ASCC3: variants seen among roughly 807,000 people sequenced by gnomAD.
ASCC3 encodes activating signal cointegrator 1 complex subunit 3, also known as ASC-1 complex subunit P200.
A neutral mutation model predicts 256.3 loss-of-function variants in ASCC3; 158 were observed. The observed-to-expected ratio is 0.62, with a 90% CI of 0.54 to 0.70. ASCC3 has a LOEUF of 0.70. Ranked by LOEUF, ASCC3 falls within the 30% of genes least tolerant of loss-of-function variation. The pLI, the probability that ASCC3 is intolerant of heterozygous loss-of-function variation, is 0.00. For missense variants in ASCC3, 2,259 were observed against 2,626.0 expected (o/e 0.86, Z 3.05); for synonymous variants, 948 against 883.4 (o/e 1.07, Z -1.30).
Position 100,605,631 on chromosome 6 carries a change from A to G in ASCC3, c.5114T>C (p.Val1705Ala). ...ATAAAAGTCTTTCTTTATGTCATGA[A>G]CTAGAATTACAGCTTTGCCTTGGTC... is the stretch of plus-strand genomic sequence containing the variant. ...FDDQGKAVIL[V>A]HDIKKDFYKK... The change falls in exon 33 of 42, where the codon GTT becomes GCT. Residue 1705 changes from valine to alanine, a missense_variant. Val to Ala is a moderately conservative substitution (Grantham distance 64). This residue lies in a region of ASCC3 where 1,839 missense variants were observed against 2,206.7 expected (regional missense o/e 0.83). Coordinates refer to ENST00000369162, the MANE Select transcript of ASCC3 (RefSeq NM_006828.4). 1 of 1,603,004 alleles carries G rather than the reference A, an allele frequency of 6.2e-7. No individual in the cohort carries two copies. The highest frequency in any genetic ancestry group is 8.5e-7 in the Non-Finnish European group (1 of 1,170,150).
chr6:100,631,022 A>G, intron 26 of ASCC3, 106 bp downstream of exon 26: 1 of 790,344 alleles, frequency 1.3e-6, no homozygotes, highest in East Asian at 2.7e-5. Flanking sequence ...TAAATAAAAG[A>G]CTATGAAAAT....
intron 3 of ASCC3, among the ~76,000 whole-genome samples, chr6:100,852,086 C>T (rs560996385): frequency 6.6e-6 from 1 of 152,292 alleles, no homozygotes; most frequent in South Asian, 2.1e-4. Flanking sequence ...GACGAAGGAC[C>T]CCAGGTGCTG....
intron 4 of ASCC3, among the ~76,000 whole-genome samples, chr6:100,835,755 A>G (rs962758542): frequency 6.6e-6 from 1 of 152,038 alleles, no homozygotes; most frequent in Non-Finnish European, 1.5e-5. Context: ...ATTCCATACA[A>G]ATTTTAGGAT....
Position 100,864,122 on chromosome 6 carries a change from A to G in ASCC3, c.183T>C (p.Ser61=). ...AGTCTTCATTTATACTTTGCATTTT[A>G]CTCTTCTCCAGTTTTTCATTCAAAA... The part of the protein sequence containing the change: ...IKFLNEKLEK[S]KMQSINEDLK... Residue 61 remains serine, a synonymous_variant, in exon 3 of 42, where the codon AGT becomes AGC. Transcript: ENST00000369162. 6.2e-7 allele frequency: 1 copy of G among 1,603,098 alleles called. No homozygotes were observed. The highest frequency in any genetic ancestry group is 8.5e-7 in the Non-Finnish European group (1 of 1,172,526).
rs911372676 is a variant in ASCC3 at position 100,757,253 on chromosome 6, A to AAC, written c.1737+9310_1737+9311dup. 1.1e-3 allele frequency among the ~76,000 whole-genome samples: 169 copies of AAC among 151,022 alleles called. 1 individual carries two copies. The highest frequency in any genetic ancestry group is 3.5e-3 in the African/African-American group (146 of 41,236). ...GGCCAGATACAGATATACACACACA[A>AAC]ACACACACACACACACCACCAACAA... is the stretch of plus-strand genomic sequence containing the variant. On this transcript the variant is annotated intron_variant, in intron 10 of 41. Transcript: ENST00000369162.
intron 36 of ASCC3, among the ~76,000 whole-genome samples, chr6:100,580,386 T>C (rs1034419883): frequency 6.6e-6 from 1 of 152,034 alleles, no homozygotes; most frequent in African/African-American, 2.4e-5. Flanking sequence ...CAAGAGATCA[T>C]CACTTGAAAC....
At chr6:100,807,384 C>T (rs1770242285) in intron 4 of ASCC3, among the ~76,000 whole-genome samples, 1 of 138,166 alleles carries the variant, frequency 7.2e-6, no homozygotes, top group Non-Finnish European at 1.5e-5. Flanking sequence ...GTAGACAAGA[C>T]ATAATGTCTG....
intron 36 of ASCC3, among the ~76,000 whole-genome samples, chr6:100,565,457 T>C (rs948183981): frequency 2.0e-5 from 3 of 152,088 alleles, no homozygotes; most frequent in Non-Finnish European, 4.4e-5. Flanking sequence ...TAAGTGGCTT[T>C]TTAAAAATAA....
rs1582810799 is a variant in ASCC3 at position 100,753,040 on chromosome 6, C to T, written c.1737+13525G>A. 2.0e-5 allele frequency among the ~76,000 whole-genome samples: 3 copies of T among 152,114 alleles called. No individual in the cohort carries two copies. The South Asian group carries it at 6.2e-4, about 32-fold the overall frequency. Reference sequence around the variant, plus strand: ...CACAGACATGAAGGGATTTCTAAAGCCAGGAGCAGGGCCAAATTATATGGC... The same window carrying T: ...CACAGACATGAAGGGATTTCTAAAGTCAGGAGCAGGGCCAAATTATATGGC... On this transcript the variant is annotated intron_variant, in intron 10 of 41. Transcript: ENST00000369162.
intron 37 of ASCC3, among the ~76,000 whole-genome samples, chr6:100,537,678 AAAAAG>A (rs971402688): frequency 1.3e-4 from 20 of 152,062 alleles, no homozygotes; most frequent in African/African-American, 4.3e-4. Context: ...ATTCATTGAA[AAAAAG>A]AAAAGACCCT....
intron 8 of ASCC3, among the ~76,000 whole-genome samples, chr6:100,778,454 C>T (rs946276558): frequency 3.3e-5 from 5 of 151,976 alleles, no homozygotes; most frequent in Admixed American, 6.6e-5. Context: ...GTGGATTCTT[C>T]GAGGAATAAA....
intron 23 of ASCC3, 72 bp from the exon 24 acceptor site, chr6:100,642,821 A>C (rs893837783): frequency 2.3e-5 from 30 of 1,311,826 alleles, no homozygotes; most frequent in Non-Finnish European, 3.3e-5. Flanking sequence ...TCTATTGTTA[A>C]GATAACGGTA....
intron 36 of ASCC3, among the ~76,000 whole-genome samples, chr6:100,541,336 C>G (rs1433506064): frequency 6.6e-6 from 1 of 151,258 alleles, no homozygotes; most frequent in Admixed American, 6.6e-5. Context: ...AGTGGTCTTC[C>G]AGATGCTGAA....
intron 36 of ASCC3, among the ~76,000 whole-genome samples, chr6:100,578,192 A>T (rs1397824267): frequency 6.6e-6 from 1 of 152,088 alleles, no homozygotes; most frequent in African/African-American, 2.4e-5. Context: ...AATTCAGAGG[A>T]TAAGGTATAA....
intron 1 of ASCC3, among the ~76,000 whole-genome samples, chr6:100,877,063 T>C (rs943163000): frequency 1.1e-4 from 17 of 152,192 alleles, no homozygotes; most frequent in Admixed American, 8.5e-4. Flanking sequence ...ACCAAACCTG[T>C]GTTTCTAAAC....
intron 5 of ASCC3, among the ~76,000 whole-genome samples, chr6:100,803,925 CA>C (rs1390547870): frequency 6.6e-6 from 1 of 151,796 alleles, no homozygotes; most frequent in Non-Finnish European, 1.5e-5. Flanking sequence ...TTTTAAAATC[CA>C]AAACTATTTG....
chr6:100,724,823 A>G (rs1779550472), intron 11 of ASCC3, among the ~76,000 whole-genome samples: 1 of 152,070 alleles, frequency 6.6e-6, no homozygotes, highest in Non-Finnish European at 1.5e-5. Context: ...AGAGGGTCAC[A>G]TTAGGGACAC....
intron 14 of ASCC3, among the ~76,000 whole-genome samples, chr6:100,666,118 T>C (rs1456428553): frequency 6.6e-6 from 1 of 152,166 alleles, no homozygotes; most frequent in East Asian, 1.9e-4. Flanking sequence ...GGCTTTGAGA[T>C]TCATCTAAGT....
chr6:100,771,955 T>C (rs926294459), intron 8 of ASCC3, among the ~76,000 whole-genome samples: 3 of 139,376 alleles, frequency 2.2e-5, no homozygotes, highest in Non-Finnish European at 3.0e-5. Flanking sequence ...TCTCGGCTCA[T>C]TGCAAGCTCT....
Sources: allele counts gnomAD v4.1 joint callset (sites outside exome capture counted in the v4.1 genomes callset), GRCh38; gene constraint gnomAD v4.1.1; regional missense constraint gnomAD v4.1.1; transcripts MANE v1.5; gene names NCBI Gene and HGNC (gene_info 2026-07-23, HGNC 2026-07-21).